Variants in HYDIN observed in about 807,000 individuals in gnomAD.
HYDIN encodes the protein HYDIN axonemal central pair apparatus protein.
In HYDIN, 132 loss-of-function variants were observed where a neutral mutation model predicts 403.9. The ratio of observed to expected loss-of-function variants is 0.33; its 90% confidence interval spans 0.28 to 0.38. HYDIN has a LOEUF of 0.38. Among genes scored for constraint, HYDIN ranks in the 10% least tolerant of loss-of-function variants. The probability of loss-of-function intolerance (pLI) is 1.00; values close to 1 mark genes in which losing one functional copy is unlikely to be tolerated. For missense variants in HYDIN, 2,827 were observed against 5,009.5 expected (o/e 0.56, Z 13.15); for synonymous variants, 1,202 against 1,891.7 (o/e 0.64, Z 9.46).
intron 1 of HYDIN, among the ~76,000 whole-genome samples, chr16:71,216,985 A>C (rs915398930): frequency 1.3e-5 from 2 of 152,208 alleles, no homozygotes; most frequent in Non-Finnish European, 2.9e-5. Flanking sequence ...TTGTCCTACA[A>C]AAGAGTTTTA....
intron 7 of HYDIN, among the ~76,000 whole-genome samples, chr16:71,141,202 T>C (rs2085154992): frequency 6.7e-6 from 1 of 149,550 alleles, no homozygotes; most frequent in Admixed American, 6.6e-5. Context: ...TTTAGTATAT[T>C]ATAAAGGCAG....
chr16:70,878,607 T>G (rs1326420903), intron 62 of HYDIN, among the ~76,000 whole-genome samples: 5 of 149,122 alleles, frequency 3.4e-5, no homozygotes, highest in African/African-American at 1.0e-4. Context: ...TATGCTCTCA[T>G]GAAGCTGGGT....
chr16:71,056,027 G>A (rs560368245), intron 18 of HYDIN, among the ~76,000 whole-genome samples: 18 of 152,082 alleles, frequency 1.2e-4, no homozygotes, highest in African/African-American at 4.1e-4. Flanking sequence ...ATAGGGAGGG[G>A]AAAGTCTCTC....
chr16:71,195,287 C>T (rs552384548), intron 1 of HYDIN, among the ~76,000 whole-genome samples: 38 of 151,392 alleles, frequency 2.5e-4, no homozygotes, highest in Non-Finnish European at 4.3e-4. Context: ...AAAACTAAAG[C>T]GAAAGGAATT....
At chr16:70,967,018 C>A (rs1443890885) in intron 36 of HYDIN, among the ~76,000 whole-genome samples, 1 of 151,300 alleles carries the variant, frequency 6.6e-6, no homozygotes, top group Non-Finnish European at 1.5e-5. Context: ...GAAATAAAAT[C>A]ATTTTAAATT....
chr16:70,942,008 A>C (rs2486980), intron 42 of HYDIN, among the ~76,000 whole-genome samples, 189 bp from the exon 43 acceptor site: 3,878 of 102,214 alleles, frequency 0.038, no homozygotes, highest in Admixed American at 0.078. Flanking sequence ...TTAATCAGCC[A>C]GTCTTTTTTT....
Position 71,157,112 on chromosome 16 carries a change from CA to C in HYDIN, c.717-4330del, listed in dbSNP as rs368777465. Among the ~76,000 whole-genome samples, 274 of 150,758 alleles carry C rather than the reference CA, an allele frequency of 1.8e-3. 6 individuals carry two copies. The highest frequency in any genetic ancestry group is 6.4e-3 in the African/African-American group (261 of 40,726). On this transcript the variant is annotated intron_variant, in intron 6 of 85. Coordinates refer to ENST00000393567, the MANE Select transcript of HYDIN (RefSeq NM_001270974.2). ...ATTCTAGACAGATGCTGGGGACATA[CA>C]AATGAAAAGAGTTAGATACAATCCT...
chr16:71,206,627 C>A (rs148817695), intron 1 of HYDIN, among the ~76,000 whole-genome samples: 1 of 152,140 alleles, frequency 6.6e-6, no homozygotes, highest in African/African-American at 2.4e-5. Context: ...AAACTAAGAT[C>A]ATCAAGATTC....
intron 11 of HYDIN, among the ~76,000 whole-genome samples, chr16:71,090,806 G>C (rs920427360): frequency 4.6e-5 from 7 of 151,088 alleles, no homozygotes; most frequent in Non-Finnish European, 8.8e-5. Context: ...CACGTAGTCA[G>C]TGACTGCTAT....
At chr16:71,129,312 T>C (rs1370769142) in intron 9 of HYDIN, among the ~76,000 whole-genome samples, 1 of 150,492 alleles carries the variant, frequency 6.6e-6, no homozygotes, top group Non-Finnish European at 1.5e-5. Context: ...TCTGTCTTAA[T>C]ATCCTCATCT....
intron 80 of HYDIN, 76 bp downstream of exon 80, chr16:70,832,772 T>C (rs2037099643): frequency 3.2e-6 from 4 of 1,235,054 alleles, no homozygotes; most frequent in Non-Finnish European, 3.5e-6. Context: ...GGCCTGCCTG[T>C]TTGAAGGAGG....
chr16:70,859,170 G>T (rs575797498), intron 71 of HYDIN, among the ~76,000 whole-genome samples: 2 of 151,962 alleles, frequency 1.3e-5, no homozygotes, highest in East Asian at 3.9e-4. Flanking sequence ...GCGTGGTGGC[G>T]GGCGCTTGTA....
intron 1 of HYDIN, among the ~76,000 whole-genome samples, chr16:71,200,393 C>T (rs1382000012): frequency 2.0e-5 from 3 of 152,178 alleles, no homozygotes; most frequent in Non-Finnish European, 4.4e-5. Context: ...TTTCCAGTAA[C>T]ACAGGAAGTG....
rs1390338986 is a variant in HYDIN, at chr16:71,031,731, T to C, written c.2716A>G (p.Ile906Val). ...GGAGCAAAGGGCTTATCTGAAACAA[T>C]AGTGGAACCAGTTCCGGAAGCCTGA... ...PVQASGTGST[I>V]VSDKPFAPEL... Residue 906 changes from isoleucine to valine, a missense_variant, in exon 19 of 86, where the codon ATT (isoleucine) becomes GTT (valine). By Grantham distance (29) the Ile-to-Val change is conservative (BLOSUM62 3). Coordinates refer to ENST00000393567, the MANE Select transcript of HYDIN (RefSeq NM_001270974.2). 2.2e-6 allele frequency: 3 copies of C among 1,368,160 alleles called. No homozygotes were observed. Among genetic ancestry groups the C allele is most frequent in the African/African-American group, 1.5e-5 (1 of 66,708 alleles). 84.8% of individuals were successfully genotyped at this position (1,368,160 alleles called of 1,614,324 possible). A position where few individuals can be genotyped will look rare whatever the true frequency, so the allele number is the denominator to read the frequency against.
intron 12 of HYDIN, among the ~76,000 whole-genome samples, chr16:71,081,358 T>C (rs1214440679): frequency 1.3e-5 from 2 of 151,016 alleles, no homozygotes; most frequent in Non-Finnish European, 2.9e-5. Flanking sequence ...GCATTTATTA[T>C]ATCTCATGCT....
intron 11 of HYDIN, chr16:71,090,150 T>C (rs2083070860): frequency 1.7e-5 from 2 of 116,460 alleles, no homozygotes; most frequent in East Asian, 2.8e-4. Flanking sequence ...TATTCATCTT[T>C]TTATGTTTCT....
At chr16:71,031,359 G>C in intron 19 of HYDIN, 1 of 963,366 alleles carries the variant, frequency 1.0e-6, no homozygotes, top group Middle Eastern at 4.5e-4. Flanking sequence ...CAGTGTATTG[G>C]AATCAAAGAG....
chr16:71,203,907 A>G (rs2088157406), intron 1 of HYDIN: 1 of 437,182 alleles, frequency 2.3e-6, no homozygotes, highest in African/African-American at 2.0e-5. Flanking sequence ...TCTACAAAAA[A>G]TACCAAGATT....
Position 71,192,205 on chromosome 16 carries a change from G to C in HYDIN, c.-23-5287C>G, listed in dbSNP as rs548682546. 2.0e-5 allele frequency among the ~76,000 whole-genome samples: 3 copies of C among 152,200 alleles called. No homozygotes were observed. In the East Asian group the frequency reaches 5.8e-4, roughly 29 times the overall value. On this transcript the variant is annotated intron_variant, in intron 1 of 85. Transcript: ENST00000393567. ...ATGATTCTGCCCTCACCTTGCTTGT[G>C]ACTCTACCTCCTTAGTATCTCACAA...
Sources: allele counts gnomAD v4.1 joint callset (sites outside exome capture counted in the v4.1 genomes callset), GRCh38; gene constraint gnomAD v4.1.1; transcripts MANE v1.5; gene names NCBI Gene and HGNC (gene_info 2026-07-23, HGNC 2026-07-21).